Variants in MKLN1 observed in about 807,000 individuals in gnomAD.
The protein encoded by MKLN1 is muskelin.
In MKLN1, 18 loss-of-function variants were observed where a neutral mutation model predicts 99.0. The observed-to-expected ratio is 0.18, with a 90% CI of 0.13 to 0.27. The LOEUF (loss-of-function observed/expected upper bound fraction) is 0.27, where lower values mean the gene tolerates loss of function less well. MKLN1 is among the 10% of genes least tolerant of loss of function. MKLN1 has a pLI of 1.00. For synonymous variants in MKLN1, 288 were observed against 293.2 expected (o/e 0.98, Z 0.18); for missense variants, 621 against 875.9 (o/e 0.71, Z 3.67).
At chr7:131,337,053 G>C (rs1032252176) in intron 1 of MKLN1, among the ~76,000 whole-genome samples, 1 of 152,088 alleles carries the variant, frequency 6.6e-6, no homozygotes, top group Admixed American at 6.6e-5. Context: ...TTGTCTTCTA[G>C]CTTCCATTGT....
chr7:131,404,078 CTT>C (rs912507295), intron 6 of MKLN1, among the ~76,000 whole-genome samples: 6 of 152,152 alleles, frequency 3.9e-5, no homozygotes, highest in African/African-American at 1.2e-4. Context: ...GTGTCTTACT[CTT>C]TTCAGGTATT....
chr7:131,370,848 G>T (rs556350326), intron 1 of MKLN1, among the ~76,000 whole-genome samples: 57 of 152,130 alleles, frequency 3.7e-4, no homozygotes, highest in Non-Finnish European at 1.5e-5. Flanking sequence ...CCAAGCTTTT[G>T]TAAGATTCTT....
chr7:131,120,220 G>A (rs1170697237), intron 1 of MKLN1, among the ~76,000 whole-genome samples: 1 of 146,598 alleles, frequency 6.8e-6, no homozygotes, highest in Non-Finnish European at 1.5e-5. Context: ...TGAATGCTTT[G>A]CAGCTTAGAA....
intron 1 of MKLN1, among the ~76,000 whole-genome samples, chr7:131,119,606 C>T (rs76543272): frequency 0.055 from 8,389 of 152,276 alleles, 266 homozygotes; most frequent in Middle Eastern, 0.082. Context: ...CAGACTTCTG[C>T]CTGGACATCC....
intron 1 of MKLN1, among the ~76,000 whole-genome samples, chr7:131,141,273 A>G (rs1795728668): frequency 6.6e-6 from 1 of 152,184 alleles, no homozygotes; most frequent in South Asian, 2.1e-4. Context: ...AATGTTCCCC[A>G]GTCATCACAA....
intron 3 of MKLN1, among the ~76,000 whole-genome samples, chr7:131,203,706 T>C (rs1796763760): frequency 6.6e-6 from 1 of 152,216 alleles, no homozygotes; most frequent in South Asian, 2.1e-4. Flanking sequence ...TCCTTCCTTC[T>C]GTGAATCTAA....
rs531423720 is a variant in MKLN1, at chr7:131,379,927, T to C, written c.168+4434T>C. On this transcript the variant is annotated intron_variant, in intron 2 of 17. Coordinates refer to ENST00000352689, the MANE Select transcript of MKLN1 (RefSeq NM_013255.5). ...AAAAAGAACTACTTTGGGGCCACTT[T>C]TCTACTGAGTAGCCTAAAGAAGTTC... Among the ~76,000 whole-genome samples, 17 of 152,350 alleles carry C rather than the reference T, an allele frequency of 1.1e-4. No individual in the cohort carries two copies. In the East Asian group the frequency reaches 3.1e-3, roughly 28 times the overall value.
chr7:131,253,978 G>A (rs182401796), intron 3 of MKLN1, among the ~76,000 whole-genome samples: 26 of 152,284 alleles, frequency 1.7e-4, no homozygotes, highest in African/African-American at 6.3e-4. Flanking sequence ...CCCCAGCAAA[G>A]ATGCTTAAAT....
At chr7:131,396,339 C>T (rs981667216) in intron 4 of MKLN1, among the ~76,000 whole-genome samples, 1 of 152,170 alleles carries the variant, frequency 6.6e-6, no homozygotes, top group African/African-American at 2.4e-5. Context: ...TCCCAAAGTG[C>T]TGGGATTACA....
chr7:131,375,981 T>C (rs1365936350), intron 2 of MKLN1, among the ~76,000 whole-genome samples: 2 of 150,118 alleles, frequency 1.3e-5, no homozygotes, highest in Non-Finnish European at 3.0e-5. Context: ...TTAATATTTA[T>C]AATGTATTAG....
intron 1 of MKLN1, among the ~76,000 whole-genome samples, chr7:131,133,293 C>T (rs1285400626): frequency 1.3e-5 from 2 of 151,446 alleles, no homozygotes; most frequent in African/African-American, 4.8e-5. Context: ...CAAGCCACTC[C>T]AGGCTGACTT....
At chr7:131,168,747 C>A (rs1386508026) in intron 2 of MKLN1, among the ~76,000 whole-genome samples, 2 of 152,078 alleles carry the variant, frequency 1.3e-5, no homozygotes, top group African/African-American at 4.8e-5. Flanking sequence ...TTTACCCTTG[C>A]AAGCCAGCAA....
chr7:131,452,196 CT>C (rs1796199233), intron 12 of MKLN1, among the ~76,000 whole-genome samples: 1 of 152,196 alleles, frequency 6.6e-6, no homozygotes, highest in Non-Finnish European at 1.5e-5. Context: ...GGGTCTGCCA[CT>C]CATCCCTCTG....
At chr7:131,433,445 T>C (rs1795584796) in intron 9 of MKLN1, among the ~76,000 whole-genome samples, 1 of 152,150 alleles carries the variant, frequency 6.6e-6, no homozygotes, top group Non-Finnish European at 1.5e-5. Context: ...TAATAAGTAA[T>C]TTATATGGAG....
intron 2 of MKLN1, among the ~76,000 whole-genome samples, chr7:131,161,785 C>T (rs1292172104): frequency 2.0e-5 from 3 of 151,764 alleles, no homozygotes; most frequent in Admixed American, 6.6e-5. Context: ...GTGATCCGCC[C>T]GCCTCGGCCT....
At chr7:131,114,282 G>A (rs553035168) in intron 1 of MKLN1, among the ~76,000 whole-genome samples, 32 of 152,276 alleles carry the variant, frequency 2.1e-4, no homozygotes, top group African/African-American at 7.5e-4. Context: ...GGAAAAGCAG[G>A]TTGTGGAGTG....
intron 3 of MKLN1, among the ~76,000 whole-genome samples, chr7:131,281,824 A>G (rs1016698347): frequency 1.3e-5 from 2 of 151,832 alleles, no homozygotes; most frequent in Non-Finnish European, 2.9e-5. Flanking sequence ...AGGACTACAC[A>G]TGCACACTCA....
chr7:131,487,631 A>G lies in MKLN1; in HGVS notation c.2111A>G (p.Tyr704Cys). Residue 704 changes from tyrosine to cysteine, a missense_variant, in exon 18 of 18, where the codon TAT becomes TGT. Tyr to Cys is a radical substitution (Grantham distance 194, BLOSUM62 -2). Coordinates refer to ENST00000352689, the MANE Select transcript of MKLN1 (RefSeq NM_013255.5). This position sits in a 1 kb window ranked among gnomAD's most constrained non-coding sequence, Gnocchi z 4.7. ...ALGFSDVDHTYAQRTQLFDTL... is the reference protein window; with the variant it reads ...ALGFSDVDHTCAQRTQLFDTL... ...GGCTTTTCTGATGTGGATCACACCT[A>G]TGCTCAAAGAACTCAGCTCTTTGAC... is the stretch of plus-strand genomic sequence containing the variant. 5 of 1,612,866 alleles carry G rather than the reference A, an allele frequency of 3.1e-6. No individual in the cohort carries two copies. The highest frequency in any genetic ancestry group is 4.5e-5 in the East Asian group (2 of 44,844).
chr7:131,448,207 G>A (rs1293188549), intron 12 of MKLN1, among the ~76,000 whole-genome samples: 1 of 152,122 alleles, frequency 6.6e-6, no homozygotes, highest in Non-Finnish European at 1.5e-5. Context: ...CACCCTGGGC[G>A]ACAGAGCGAG....
Sources: gnomAD v4.1 joint callset for allele counts (sites outside exome capture counted in the v4.1 genomes callset) on GRCh38, gnomAD v4.1.1 for gene constraint, Gnocchi (gnomAD v3.1) non-coding constraint, MANE v1.5 for transcripts, NCBI Gene and HGNC (gene_info 2026-07-23, HGNC 2026-07-21) for gene names.